Variants in PPT1 observed in about 807,000 individuals in gnomAD.
The protein encoded by PPT1 is ceroid-palmitoyl-palmitoyl-protein thioesterase 1.
A neutral mutation model predicts 44.0 loss-of-function variants in PPT1; 24 were observed. That is an observed-to-expected ratio of 0.54 (90% CI 0.39 to 0.77). The LOEUF is 0.77. Ranked by LOEUF, PPT1 falls within the 30% of genes least tolerant of loss-of-function variation. The pLI, the probability that PPT1 is intolerant of heterozygous loss-of-function variation, is 0.00. For missense variants in PPT1, 341 were observed against 378.8 expected (o/e 0.90, Z 0.83); for synonymous variants, 148 against 140.2 (o/e 1.06, Z -0.39).
At chr1:40,080,561 G>A (rs1252871236) in intron 5 of PPT1, 74 bp from the exon 6 acceptor site, 12 of 1,419,366 alleles carry the variant, frequency 8.5e-6, no homozygotes, top group African/African-American at 1.4e-5. Flanking sequence ...TCAGTGCAAA[G>A]GCCACCAAGA....
chr1:40,094,066 A>G (rs1301878771), intron 1 of PPT1: 1 of 664,472 alleles, frequency 1.5e-6, no homozygotes, highest in East Asian at 2.7e-5. Context: ...TTAAGACACC[A>G]AATTTACAAA....
At chr1:40,082,082 TC>T (rs1648972524) in intron 5 of PPT1, 1 of 152,214 alleles carries the variant, frequency 6.6e-6, no homozygotes, top group East Asian at 1.9e-4. Context: ...AGCCCCCACC[TC>T]CTCAAAATGG....
intron 8 of PPT1, among the ~76,000 whole-genome samples, chr1:40,074,669 G>A (rs747715091): frequency 1.7e-4 from 26 of 151,976 alleles, no homozygotes; most frequent in Non-Finnish European, 3.2e-4. Context: ...GGGTTTCACT[G>A]TGTTAGCTAG....
chr1:40,096,751 G>T (rs1291621801), intron 1 of PPT1: 1 of 277,936 alleles, frequency 3.6e-6, no homozygotes, highest in Non-Finnish European at 7.1e-6. Flanking sequence ...TCTGTTCAAT[G>T]TGTGAAGGAA....
At chr1:40,094,810 A>G (rs560714497) in intron 1 of PPT1, among the ~76,000 whole-genome samples, 1 of 152,292 alleles carries the variant, frequency 6.6e-6, no homozygotes, top group African/African-American at 2.4e-5. Context: ...TCTGAAAACA[A>G]CGTTCTCCAC....
At chr1:40,078,153 T>C (rs1253064112) in intron 7 of PPT1, among the ~76,000 whole-genome samples, 1 of 149,862 alleles carries the variant, frequency 6.7e-6, no homozygotes, top group Non-Finnish European at 1.5e-5. Flanking sequence ...GGACTGAAGG[T>C]TTTTTCCCCA....
intron 5 of PPT1, among the ~76,000 whole-genome samples, chr1:40,087,573 C>G (rs1382630931): frequency 6.6e-6 from 1 of 151,954 alleles, no homozygotes; most frequent in Admixed American, 6.6e-5. Flanking sequence ...ACTTGTCACC[C>G]CCCGACGGAC....
At chr1:40,083,931 C>A (rs1426873182) in intron 5 of PPT1, among the ~76,000 whole-genome samples, 1 of 151,978 alleles carries the variant, frequency 6.6e-6, no homozygotes, top group Non-Finnish European at 1.5e-5. Flanking sequence ...ACCTGTAGTC[C>A]CAGCTGCTCA....
intron 3 of PPT1, 91 bp downstream of exon 3, chr1:40,091,954 C>A: frequency 6.7e-7 from 1 of 1,498,864 alleles, no homozygotes; most frequent in Non-Finnish European, 9.2e-7. Context: ...AGATAGGTGA[C>A]AATCTTGAAT....
At chr1:40,094,327 C>T (rs1233969442) in intron 1 of PPT1, among the ~76,000 whole-genome samples, 2 of 152,188 alleles carry the variant, frequency 1.3e-5, no homozygotes, top group South Asian at 2.1e-4. Context: ...CCCTCACATG[C>T]GCAGTTCACA....
intron 1 of PPT1, among the ~76,000 whole-genome samples, chr1:40,095,579 T>C (rs1343201204): frequency 6.6e-6 from 1 of 152,168 alleles, no homozygotes; most frequent in Non-Finnish European, 1.5e-5. Context: ...CTTGGTAAAA[T>C]GAAAACTTCA....
rs11345893 is a variant in PPT1 at position 40,093,883 on chromosome 1, C to CAAA, written c.125-1379_125-1377dup. 1.1e-3 allele frequency: 488 copies of CAAA among 449,680 alleles called. 1 individual carries two copies. The highest frequency in any genetic ancestry group is 0.01 in the African/African-American group (339 of 33,456). The allele number at this position is 449,680 out of a possible 1,614,324, so 27.9% of individuals were successfully genotyped here. A position where few individuals can be genotyped will look rare whatever the true frequency, so the allele number is the denominator to read the frequency against. On this transcript the variant is annotated intron_variant, in intron 1 of 8. Transcript: ENST00000642050. ...TGGGCAACAGAACAAGGCTCCATCTCAAAAAAAAAAAAAAAAAAAAATCCA... is the reference window on the plus strand; with the variant it reads ...TGGGCAACAGAACAAGGCTCCATCTCAAAAAAAAAAAAAAAAAAAAAAAATCCA...
At position 40,073,723 on chromosome 1, in the gene PPT1, CTA is replaced by C. The variant is rs1415580639; in HGVS notation, c.*336_*337del. On this transcript the variant is annotated 3_prime_UTR_variant, in exon 9 of 9. Coordinates refer to ENST00000642050, the MANE Select transcript of PPT1 (RefSeq NM_000310.4). ...TTGGAAAAATGTTTGCCCTTAGAAT[CTA>C]TCTCACTACTTTAGTTAGTTGTCTC... 3 of 288,270 alleles carry C rather than the reference CTA, an allele frequency of 1.0e-5. No individual in the cohort carries two copies. The highest frequency in any genetic ancestry group is 1.1e-3 in the Middle Eastern group (1 of 870). The allele number at this position is 288,270 out of a possible 1,614,324, so 17.9% of individuals were successfully genotyped here. A position where few individuals can be genotyped will look rare whatever the true frequency, so the allele number is the denominator to read the frequency against.
intron 8 of PPT1, among the ~76,000 whole-genome samples, chr1:40,075,518 T>C (rs1648572363): frequency 6.6e-6 from 1 of 151,810 alleles, no homozygotes; most frequent in African/African-American, 2.4e-5. Flanking sequence ...AGCTTCCCTT[T>C]TTACCTCACC....
downstream of PPT1, chr1:40,071,501 T>C: frequency 2.5e-6 from 4 of 1,613,742 alleles, no homozygotes; most frequent in Non-Finnish European, 3.4e-6. Flanking sequence ...CGGGCAGAAG[T>C]TGGTCACCAC....
intron 8 of PPT1, among the ~76,000 whole-genome samples, chr1:40,075,958 C>CAAAAAAAAAAA (rs56338772): frequency 2.4e-5 from 1 of 41,848 alleles, no homozygotes; most frequent in Non-Finnish European, 3.8e-5. Flanking sequence ...AAGACTGTCT[C>CAAAAAAAAAAA]AAAAAAAAAA....
At chr1:40,091,722 A>G (rs1311669247) in intron 3 of PPT1, among the ~76,000 whole-genome samples, 3 of 152,012 alleles carry the variant, frequency 2.0e-5, no homozygotes, top group African/African-American at 4.8e-5. Flanking sequence ...AAAATTAGCT[A>G]GGTGTGGTGG....
downstream of PPT1, chr1:40,072,527 CT>C: frequency 3.9e-5 from 6 of 155,350 alleles, no homozygotes; most frequent in Non-Finnish European, 7.1e-5. Context: ...AAATATGCAA[CT>C]TTTTTTTGGT....
At chr1:40,074,258 G>C in intron 8 of PPT1, 75 bp from the exon 9 acceptor site, 1 of 1,571,990 alleles carries the variant, frequency 6.4e-7, no homozygotes, top group Non-Finnish European at 8.7e-7. Context: ...ACGTTAACTT[G>C]AGATATATTT....
Sources: allele counts gnomAD v4.1 joint callset (sites outside exome capture counted in the v4.1 genomes callset), GRCh38; gene constraint gnomAD v4.1.1; transcripts MANE v1.5; gene names NCBI Gene and HGNC (gene_info 2026-07-23, HGNC 2026-07-21).